SPAST: variants seen among roughly 807,000 people sequenced by gnomAD.
SPAST encodes the protein spastin.
Under a neutral mutation model 76.6 loss-of-function variants are expected in SPAST, and 30 were observed. The ratio of observed to expected loss-of-function variants is 0.39; its 90% CI spans 0.29 to 0.53. The LOEUF is 0.53. SPAST is among the 20% of genes least tolerant of loss of function. SPAST has a pLI of 0.68. For synonymous variants in SPAST, 305 were observed against 281.0 expected, an observed-to-expected ratio of 1.09 and a Z score of -0.86; for missense variants, 717 against 770.5, an observed-to-expected ratio of 0.93 and a Z score of 0.82.
At chr2:32,116,322 A>C in intron 7 of SPAST, 110 bp downstream of exon 7, 2 of 721,554 alleles carry the variant, frequency 2.8e-6, no homozygotes, top group Non-Finnish European at 4.9e-6. Flanking sequence ...AATTCATATA[A>C]GGTAACAATA....
intron 1 of SPAST, among the ~76,000 whole-genome samples, chr2:32,073,085 T>TTGG (rs1676817098): frequency 1.3e-5 from 2 of 152,144 alleles, no homozygotes; most frequent in South Asian, 4.2e-4. Context: ...AGCTGGTTTG[T>TTGG]TGTTGTATTT....
At chr2:32,116,291 T>A (rs1397028731) in intron 7 of SPAST, 79 bp downstream of exon 7, 1 of 898,066 alleles carries the variant, frequency 1.1e-6, no homozygotes, top group Admixed American at 1.8e-5. Context: ...AAAGAAATAT[T>A]TGAGCTATAC....
chr2:32,149,299 A>G lies in SPAST; in HGVS notation c.1728+2041A>G, dbSNP rs1335175499. Among the ~76,000 whole-genome samples, 5 of 122,576 alleles carry G rather than the reference A, an allele frequency of 4.1e-5. No individual in the cohort carries two copies. The East Asian group carries it at 1.2e-3, about 29-fold the overall frequency. The allele number at this position is 122,576 out of a possible 152,430, so 80.4% of individuals were successfully genotyped here. A position where few individuals can be genotyped will look rare whatever the true frequency, so the allele number is the denominator to read the frequency against. On this transcript the variant is annotated intron_variant, in intron 16 of 16. Transcript: ENST00000315285. ...TTTTTAGTAGAGATGGGGTTTCACT[A>G]TGTTGGCCAGGTGGGTCTCGAACTC...
rs542745509 is a variant in SPAST, at chr2:32,075,001, T to C, written c.415+10755T>C. 5.9e-5 allele frequency among the ~76,000 whole-genome samples: 9 copies of C among 152,274 alleles called. No homozygotes were observed. The South Asian group carries it at 1.7e-3, about 28-fold the overall frequency. The stretch of plus-strand genomic sequence containing the variant: ...ATGAGAACTATTATTATAAAATCAA[T>C]AGTACTTTTAAGATTACAGCTAGAG... On this transcript the variant is annotated intron_variant, in intron 1 of 16. Coordinates refer to ENST00000315285, the MANE Select transcript of SPAST (RefSeq NM_014946.4).
chr2:32,133,383 C>T (rs1679433884), intron 9 of SPAST, among the ~76,000 whole-genome samples: 2 of 152,156 alleles, frequency 1.3e-5, no homozygotes, highest in Admixed American at 1.3e-4. Flanking sequence ...CCTAAAATCC[C>T]TCCAGGCACT....
intron 2 of SPAST, among the ~76,000 whole-genome samples, chr2:32,089,116 C>A (rs939347141): frequency 4.0e-5 from 6 of 151,654 alleles, no homozygotes; most frequent in African/African-American, 1.5e-4. Flanking sequence ...GGCTGGAATG[C>A]TGTGATGTGG....
intron 7 of SPAST, among the ~76,000 whole-genome samples, chr2:32,118,631 G>A (rs1459196463): frequency 1.3e-5 from 2 of 152,138 alleles, no homozygotes; most frequent in Admixed American, 6.5e-5. Context: ...GCAGTCTTCT[G>A]ATCGATTCAT....
chr2:32,094,919 AG>A (rs1295518319), intron 3 of SPAST, among the ~76,000 whole-genome samples: 1 of 152,240 alleles, frequency 6.6e-6, no homozygotes, highest in African/African-American at 2.4e-5. Flanking sequence ...CAGTGAGCCG[AG>A]GTTGCGCCAC....
intron 4 of SPAST, among the ~76,000 whole-genome samples, chr2:32,105,240 G>T (rs549125901): frequency 6.6e-6 from 1 of 151,866 alleles, no homozygotes; most frequent in Non-Finnish European, 1.5e-5. Context: ...CCACTTGATC[G>T]AATCGGCTAC....
intron 9 of SPAST, chr2:32,130,470 G>A (rs13006880): frequency 0.2 from 31,027 of 152,138 alleles, 3,944 homozygotes; most frequent in East Asian, 0.46. Context: ...TGTAATCCCA[G>A]CACTTTGGGA....
At chr2:32,152,514 G>A (rs2148767679) in intron 16 of SPAST, among the ~76,000 whole-genome samples, 1 of 152,098 alleles carries the variant, frequency 6.6e-6, no homozygotes, top group Admixed American at 6.5e-5. Flanking sequence ...CCGAGATCAT[G>A]CCACTGCACT....
At chr2:32,149,648 TTTATTC>T (rs1680010793) in intron 16 of SPAST, among the ~76,000 whole-genome samples, 1 of 152,154 alleles carries the variant, frequency 6.6e-6, no homozygotes, top group Admixed American at 6.6e-5. Flanking sequence ...TGTACAGACT[TTTATTC>T]TTGTTATTAT....
At chr2:32,137,846 T>C (rs1398343798) in intron 12 of SPAST, among the ~76,000 whole-genome samples, 1 of 152,178 alleles carries the variant, frequency 6.6e-6, no homozygotes, top group African/African-American at 2.4e-5. Flanking sequence ...CAGTGTGTAT[T>C]GTTCCCATGT....
At chr2:32,112,413 T>A (rs1218628393) in intron 4 of SPAST, among the ~76,000 whole-genome samples, 1 of 149,888 alleles carries the variant, frequency 6.7e-6, no homozygotes, top group Non-Finnish European at 1.5e-5. Flanking sequence ...AATGGAGTGA[T>A]CTTGGCTCAC....
chr2:32,152,635 C>A (rs867432328), intron 16 of SPAST, among the ~76,000 whole-genome samples: 20 of 152,160 alleles, frequency 1.3e-4, no homozygotes, highest in African/African-American at 3.4e-4. Context: ...ATTCATTATT[C>A]TTCTACACTT....
intron 3 of SPAST, among the ~76,000 whole-genome samples, chr2:32,092,772 C>A (rs765249429): frequency 2.0e-4 from 31 of 152,050 alleles, no homozygotes; most frequent in Non-Finnish European, 4.1e-4. Flanking sequence ...CTTTGGGAGG[C>A]CAAGGTGGGC....
chr2:32,103,127 A>G (rs928669731), intron 4 of SPAST, among the ~76,000 whole-genome samples: 1 of 152,142 alleles, frequency 6.6e-6, no homozygotes, highest in African/African-American at 2.4e-5. Context: ...GCTATTAATT[A>G]TTGCCTCAAT....
rs577061968 is a variant in SPAST at position 32,128,396 on chromosome 2, T to G, written c.1174-12T>G. 3 of 1,589,350 alleles carry G rather than the reference T, an allele frequency of 1.9e-6. No individual in the cohort carries two copies. Among genetic ancestry groups the G allele is most frequent in the South Asian group, 2.2e-5 (2 of 90,582 alleles). Reference sequence around the variant, plus strand: ...TGAACTAATTTAATATTTGCTCTTGTGATTTTTAAAGGCTAAAGCAGTAGC... The same window carrying G: ...TGAACTAATTTAATATTTGCTCTTGGGATTTTTAAAGGCTAAAGCAGTAGC... On this transcript the variant is annotated splice_polypyrimidine_tract_variant and intron_variant, in intron 8 of 16. Coordinates refer to ENST00000315285, the MANE Select transcript of SPAST (RefSeq NM_014946.4).
chr2:32,085,419 G>A (rs1446130278), intron 1 of SPAST, among the ~76,000 whole-genome samples: 1 of 152,028 alleles, frequency 6.6e-6, no homozygotes, highest in Admixed American at 6.6e-5. Flanking sequence ...ATCTCACCAT[G>A]TTGCCCAAGC....
Sources: gnomAD v4.1 joint callset for allele counts (sites outside exome capture counted in the v4.1 genomes callset) on GRCh38, gnomAD v4.1.1 for gene constraint, MANE v1.5 for transcripts, NCBI Gene and HGNC (gene_info 2026-07-23, HGNC 2026-07-21) for gene names.